The following GALNT7 variants were observed in gnomAD, a reference collection of about 807,000 sequenced individuals.
The protein encoded by GALNT7 is polypeptide N-acetylgalactosaminyltransferase 7.
GALNT7 carries 60 observed loss-of-function variants against 82.1 expected under a neutral mutation model. That is an observed-to-expected ratio of 0.73 (90% CI 0.59 to 0.91). GALNT7 has a LOEUF of 0.91. Among genes scored for constraint, GALNT7 ranks in the 40% least tolerant of loss-of-function variants. GALNT7 has a pLI of 0.00. For synonymous variants in GALNT7, 243 were observed against 275.1 expected (o/e 0.88, Z 1.15); for missense variants, 660 against 804.2 (o/e 0.82, Z 2.17).
At chr4:173,192,488 C>G (rs1224584327) in intron 1 of GALNT7, among the ~76,000 whole-genome samples, 2 of 152,186 alleles carry the variant, frequency 1.3e-5, no homozygotes, top group Non-Finnish European at 2.9e-5. Flanking sequence ...TGGATCCTCC[C>G]TACTTCTGAA....
At chr4:173,319,254 G>A (rs551815762) in intron 11 of GALNT7, among the ~76,000 whole-genome samples, 3 of 152,066 alleles carry the variant, frequency 2.0e-5, no homozygotes, top group East Asian at 3.9e-4. Flanking sequence ...TAAACAAAAA[G>A]TGGGGAAAGC....
At chr4:173,268,601 G>GC (rs1735600327) in intron 2 of GALNT7, among the ~76,000 whole-genome samples, 1 of 119,770 alleles carries the variant, frequency 8.3e-6, no homozygotes. Flanking sequence ...CGCCATCTTG[G>GC]CTCACAGCAA....
intron 1 of GALNT7, among the ~76,000 whole-genome samples, chr4:173,204,107 A>G (rs1733021537): frequency 6.6e-6 from 1 of 152,086 alleles, no homozygotes; most frequent in Non-Finnish European, 1.5e-5. Flanking sequence ...CAGGTACAGT[A>G]TTCTTGGTTG....
chr4:173,184,356 GGA>G (rs1333540173), intron 1 of GALNT7, among the ~76,000 whole-genome samples: 1 of 152,058 alleles, frequency 6.6e-6, no homozygotes, highest in Non-Finnish European at 1.5e-5. Flanking sequence ...CTGCACCTAG[GGA>G]GGCTGAGGCT....
chr4:173,295,859 T>A lies in GALNT7; in HGVS notation c.965+16T>A. On this transcript the variant is annotated intron_variant, in intron 5 of 11. Transcript: ENST00000265000. Reference sequence around the variant, plus strand: ...CTAAGGACAGGTAACATTACCTTGCTTTTTTTCTTTCCTGGTTGAAAGTAA... The same window carrying A: ...CTAAGGACAGGTAACATTACCTTGCATTTTTTCTTTCCTGGTTGAAAGTAA... 5 of 1,459,742 alleles carry A rather than the reference T, an allele frequency of 3.4e-6. No individual in the cohort carries two copies. The highest frequency in any genetic ancestry group is 4.8e-6 in the Non-Finnish European group (5 of 1,039,326). 90.4% of individuals were successfully genotyped at this position (1,459,742 alleles called of 1,614,324 possible).
intron 1 of GALNT7, among the ~76,000 whole-genome samples, chr4:173,186,601 A>G (rs1732468694): frequency 1.3e-5 from 2 of 152,194 alleles, no homozygotes; most frequent in Admixed American, 1.3e-4. Context: ...AGAGTGCTTT[A>G]AAAATGAAAA....
intron 1 of GALNT7, among the ~76,000 whole-genome samples, chr4:173,170,477 A>G (rs1731825104): frequency 6.6e-6 from 1 of 152,196 alleles, no homozygotes; most frequent in Non-Finnish European, 1.5e-5. Context: ...TGGAAGTTTT[A>G]GTATTTGAAG....
At position 173,292,304 on chromosome 4, in the gene GALNT7, A is replaced by G. The variant is rs1579996188; in HGVS notation, c.754+30A>G. ...TGGCTGTGAAACTCACATTTTGTCTATAAAATAAGTTAAGCATGAATAATT... is the reference window on the plus strand; with the variant it reads ...TGGCTGTGAAACTCACATTTTGTCTGTAAAATAAGTTAAGCATGAATAATT... On this transcript the variant is annotated intron_variant, in intron 3 of 11. Coordinates refer to ENST00000265000, the MANE Select transcript of GALNT7 (RefSeq NM_017423.3). This position sits in a 1 kb window ranked among gnomAD's most constrained non-coding sequence, Gnocchi z 4.8. 2.9e-6 allele frequency: 4 copies of G among 1,385,912 alleles called. No individual in the cohort carries two copies. Among genetic ancestry groups the G allele is most frequent in the East Asian group, 4.8e-5 (2 of 41,700 alleles). 85.9% of individuals were successfully genotyped at this position (1,385,912 alleles called of 1,614,324 possible).
rs867978371 is a variant in GALNT7 at position 173,317,766 on chromosome 4, C to T, written c.1707+34C>T. 7 of 1,254,970 alleles carry T rather than the reference C, an allele frequency of 5.6e-6. No individual in the cohort carries two copies. In the Middle Eastern group the frequency reaches 5.6e-4, roughly 100 times the overall value. 77.7% of individuals were successfully genotyped at this position (1,254,970 alleles called of 1,614,324 possible). ...CCTTACTTTTGTGTTTAAGTTGTTC[C>T]GTATTGAGGGCCATCAGGTTTATTG... On this transcript the variant is annotated intron_variant, in intron 10 of 11. Transcript: ENST00000265000.
intron 1 of GALNT7, among the ~76,000 whole-genome samples, chr4:173,206,197 G>A (rs966205761): frequency 6.6e-6 from 1 of 152,202 alleles, no homozygotes; most frequent in African/African-American, 2.4e-5. Context: ...CCAAAGCAAA[G>A]TCTAGTGCTT....
chr4:173,201,994 A>G (rs76775982), intron 1 of GALNT7, among the ~76,000 whole-genome samples: 1,947 of 152,328 alleles, frequency 0.013, 35 homozygotes, highest in East Asian at 0.056. Flanking sequence ...TTCTAATTTT[A>G]TGGACTGTTC....
At chr4:173,263,098 A>G (rs1735340962) in intron 2 of GALNT7, among the ~76,000 whole-genome samples, 1 of 152,184 alleles carries the variant, frequency 6.6e-6, no homozygotes, top group Non-Finnish European at 1.5e-5. Context: ...CACACAGTGA[A>G]AAAGATAGTA....
In GALNT7 at chr4:173,302,484, A is replaced by G. The variant is rs564959440; in HGVS notation, c.1266+320A>G. 2.6e-5 allele frequency among the ~76,000 whole-genome samples: 4 copies of G among 152,206 alleles called. No individual in the cohort carries two copies. The highest frequency in any genetic ancestry group is 5.9e-5 in the Non-Finnish European group (4 of 68,032). On this transcript the variant is annotated intron_variant, in intron 7 of 11. Transcript: ENST00000265000. This position sits in a 1 kb window ranked among gnomAD's most constrained non-coding sequence, Gnocchi z 4.2. ...TATAGAAGCCCTTGGAAGAATCTGC[A>G]TGCGTTAGGGCCACAATTGACCACC...
chr4:173,310,927 G>A (rs1022608642), intron 8 of GALNT7, among the ~76,000 whole-genome samples: 1 of 152,052 alleles, frequency 6.6e-6, no homozygotes, highest in African/African-American at 2.4e-5. Flanking sequence ...GTAGAGACAG[G>A]GTTTCACCAT....
chr4:173,227,135 A>G (rs555598189), intron 1 of GALNT7, among the ~76,000 whole-genome samples: 1 of 152,176 alleles, frequency 6.6e-6, no homozygotes, highest in Non-Finnish European at 1.5e-5. Context: ...CTTCCAATTT[A>G]CCATGTATAT....
At chr4:173,279,942 T>C (rs1736051763) in intron 2 of GALNT7, among the ~76,000 whole-genome samples, 1 of 151,608 alleles carries the variant, frequency 6.6e-6, no homozygotes. Context: ...GCCACTGCAC[T>C]CCAGCTGGGT....
At chr4:173,241,600 G>T (rs1734435900) in intron 1 of GALNT7, among the ~76,000 whole-genome samples, 1 of 152,164 alleles carries the variant, frequency 6.6e-6, no homozygotes, top group Non-Finnish European at 1.5e-5. Context: ...ATGACTAGGT[G>T]ATCAAAAATG....
At chr4:173,193,584 C>G (rs1056277014) in intron 1 of GALNT7, among the ~76,000 whole-genome samples, 5 of 151,978 alleles carry the variant, frequency 3.3e-5, no homozygotes, top group African/African-American at 1.2e-4. Flanking sequence ...TGATACTTAG[C>G]TTTTTGTTGA....
intron 3 of GALNT7, among the ~76,000 whole-genome samples, chr4:173,294,956 T>C (rs1736667046): frequency 6.6e-6 from 1 of 152,144 alleles, no homozygotes; most frequent in Non-Finnish European, 1.5e-5. Flanking sequence ...CAGAAAAAAA[T>C]GTTAAATAAC....
Sources: allele counts gnomAD v4.1 joint callset (sites outside exome capture counted in the v4.1 genomes callset), GRCh38; gene constraint gnomAD v4.1.1; non-coding constraint Gnocchi (gnomAD v3.1); transcripts MANE v1.5; gene names NCBI Gene and HGNC (gene_info 2026-07-23, HGNC 2026-07-21).